The following ZNF423 variants were observed in gnomAD, a reference collection of about 807,000 sequenced individuals.
The protein encoded by ZNF423 is zinc finger protein 423.
A neutral mutation model predicts 95.8 loss-of-function variants in ZNF423; 12 were observed. The observed-to-expected ratio is 0.13, with a 90% CI of 0.08 to 0.20. ZNF423 has a LOEUF of 0.20. ZNF423 is among the 10% of genes least tolerant of loss of function. The pLI is 1.00. For synonymous variants in ZNF423, 749 were observed against 711.9 expected, an observed-to-expected ratio of 1.05 and a Z score of -0.83; for missense variants, 1,316 against 1,737.1, an observed-to-expected ratio of 0.76 and a Z score of 4.31.
chr16:49,675,089 G>A (rs1465017469), intron 3 of ZNF423, among the ~76,000 whole-genome samples: 1 of 152,172 alleles, frequency 6.6e-6, no homozygotes, highest in African/African-American at 2.4e-5. Context: ...CATGCAACAT[G>A]ACCAGGGTTG....
At chr16:49,842,226 A>C (rs2035189586) in intron 1 of ZNF423, among the ~76,000 whole-genome samples, 4 of 124,700 alleles carry the variant, frequency 3.2e-5, no homozygotes, top group Non-Finnish European at 6.7e-5. Context: ...CGACAGAGGA[A>C]GAGAAGGGAA....
intron 5 of ZNF423, among the ~76,000 whole-genome samples, chr16:49,608,946 C>A (rs552101020): frequency 4.9e-4 from 75 of 152,210 alleles, no homozygotes; most frequent in Admixed American, 1.4e-3. Context: ...CAGAGAAACC[C>A]TAGCAGGGAG....
intron 5 of ZNF423, among the ~76,000 whole-genome samples, chr16:49,552,884 G>A (rs1283190684): frequency 1.3e-5 from 2 of 151,928 alleles, no homozygotes; most frequent in East Asian, 1.9e-4. Flanking sequence ...AGGAGGGGAT[G>A]GGGATGCAGA....
chr16:49,756,396 A>G (rs777980284), intron 2 of ZNF423, among the ~76,000 whole-genome samples: 3 of 152,210 alleles, frequency 2.0e-5, no homozygotes, highest in Non-Finnish European at 4.4e-5. Context: ...ATGACAAAAT[A>G]CACATCTTAG....
intron 4 of ZNF423, among the ~76,000 whole-genome samples, chr16:49,626,842 C>T (rs1345677782): frequency 6.9e-6 from 1 of 144,274 alleles, no homozygotes; most frequent in Non-Finnish European, 1.5e-5. Context: ...ACCAATAGAC[C>T]CATCCATCCA....
chr16:49,798,449 A>T (rs1322483420), intron 1 of ZNF423, among the ~76,000 whole-genome samples: 1 of 152,174 alleles, frequency 6.6e-6, no homozygotes, highest in Non-Finnish European at 1.5e-5. Flanking sequence ...CAGAGGTTGC[A>T]GTGAGCCAAG....
intron 3 of ZNF423, among the ~76,000 whole-genome samples, chr16:49,702,925 A>G (rs977055785): frequency 7.5e-6 from 1 of 134,226 alleles, no homozygotes; most frequent in African/African-American, 2.6e-5. Context: ...ACACACACAC[A>G]CACACACACA....
chr16:49,551,163 C>A (rs561906764), intron 5 of ZNF423, among the ~76,000 whole-genome samples: 7 of 152,358 alleles, frequency 4.6e-5, no homozygotes, highest in African/African-American at 1.2e-4. Flanking sequence ...GTTCCCACCA[C>A]CCTCCTTCCC....
intron 5 of ZNF423, among the ~76,000 whole-genome samples, chr16:49,592,369 T>C (rs1295545607): frequency 6.6e-6 from 1 of 152,236 alleles, no homozygotes; most frequent in Non-Finnish European, 1.5e-5. Context: ...GAGGGGCAGT[T>C]CAGCTGAAAT....
chr16:49,709,670 C>T (rs1259596086), intron 3 of ZNF423, among the ~76,000 whole-genome samples: 2 of 152,096 alleles, frequency 1.3e-5, no homozygotes, highest in African/African-American at 2.4e-5. Flanking sequence ...GGGCTTTTGG[C>T]GGGTGATTAG....
In ZNF423 at chr16:49,604,341, C is replaced by T. The variant is rs1247244813; in HGVS notation, c.3601+21829G>A. ...TCCAGGACAGGCCTGACCCACACCT[C>T]CCCTAGCCCTGGTAGTGGCACAGTG... On this transcript the variant is annotated intron_variant, in intron 5 of 7. Transcript: ENST00000563137. 2.6e-5 allele frequency among the ~76,000 whole-genome samples: 4 copies of T among 152,274 alleles called. No homozygotes were observed. In the East Asian group the frequency reaches 7.7e-4, roughly 29 times the overall value.
intron 3 of ZNF423, among the ~76,000 whole-genome samples, chr16:49,678,907 C>T (rs2883977): frequency 0.79 from 120,552 of 152,064 alleles, 48,072 homozygotes; most frequent in South Asian, 0.86. Flanking sequence ...TACAAATGCT[C>T]AGAGATACCT....
chr16:49,825,663 T>C (rs557291730), intron 1 of ZNF423, among the ~76,000 whole-genome samples: 67 of 152,256 alleles, frequency 4.4e-4, no homozygotes, highest in African/African-American at 1.6e-3. Flanking sequence ...AAGTCTAATA[T>C]GAAGCAATTA....
At chr16:49,594,267 CCCTCTGGAATCTCTTCCCTGCCT>C (rs1335629020) in intron 5 of ZNF423, among the ~76,000 whole-genome samples, 1 of 152,114 alleles carries the variant, frequency 6.6e-6, no homozygotes, top group African/African-American at 2.4e-5. Context: ...CCCCTCTGGC[CCCTCTGGAATCTCTTCCCTGCCT>C]CCTCTCTCCT....
intron 5 of ZNF423, among the ~76,000 whole-genome samples, chr16:49,538,745 CAAG>C (rs1969144401): frequency 6.6e-6 from 1 of 152,216 alleles, no homozygotes; most frequent in Admixed American, 6.5e-5. Context: ...TACCCTTATT[CAAG>C]TAGCTCTCGA....
rs368408962 is a variant in ZNF423 at position 49,792,125 on chromosome 16, T to G, written c.41-2579A>C. Among the ~76,000 whole-genome samples, 435 of 152,170 alleles carry G rather than the reference T, an allele frequency of 2.9e-3. 19 individuals are homozygous for G. In the South Asian group the frequency reaches 0.087, roughly 30 times the overall value. On this transcript the variant is annotated intron_variant, in intron 1 of 7. Coordinates refer to ENST00000563137, the MANE Select transcript of ZNF423 (RefSeq NM_001379286.1). ...TTTTTGATTTTTTTTTCTTTTTCTT[T>G]TATTGATTTAGTCATCTGCAGGTAT...
chr16:49,660,435 A>C (rs1053354017), intron 3 of ZNF423, among the ~76,000 whole-genome samples: 2 of 152,204 alleles, frequency 1.3e-5, no homozygotes, highest in Non-Finnish European at 2.9e-5. Flanking sequence ...AATCACAAAG[A>C]AGCAGCAAGG....
rs1010349096 is a variant in ZNF423, at chr16:49,731,036, T to C, written c.101-65A>G. 21 of 1,564,972 alleles carry C rather than the reference T, an allele frequency of 1.3e-5. No individual in the cohort carries two copies. In the African/African-American group the frequency reaches 2.6e-4, roughly 19 times the overall value. ...GTCTTGGGAAAGGGTTTTAAAAGAA[T>C]CGCCCGGCATTTATTAAGATACATT... On this transcript the variant is annotated intron_variant, in intron 2 of 7. Coordinates refer to ENST00000563137, the MANE Select transcript of ZNF423 (RefSeq NM_001379286.1).
At chr16:49,648,437 T>G (rs2356614) in intron 3 of ZNF423, among the ~76,000 whole-genome samples, 31,931 of 151,632 alleles carry the variant, frequency 0.21, 3,468 homozygotes, top group Admixed American at 0.25. Context: ...AGGTCGGGAG[T>G]TCGAGACCAG....
Sources: gnomAD v4.1 joint callset for allele counts (sites outside exome capture counted in the v4.1 genomes callset) on GRCh38, gnomAD v4.1.1 for gene constraint, MANE v1.5 for transcripts, NCBI Gene and HGNC (gene_info 2026-07-23, HGNC 2026-07-21) for gene names.